The following NAV3 variants were observed in gnomAD, a reference collection of about 807,000 sequenced individuals.
NAV3 encodes pore membrane and/or filament interacting like protein 1.
In NAV3, 87 loss-of-function variants were observed where a neutral mutation model predicts 244.7. That is an observed-to-expected ratio of 0.36 (90% CI 0.30 to 0.42). NAV3 has a LOEUF of 0.42. Among genes scored for constraint, NAV3 ranks in the 20% least tolerant of loss-of-function variants. The pLI, the probability that NAV3 is intolerant of heterozygous loss-of-function variation, is 1.00. For synonymous variants in NAV3, 1,126 were observed against 1,042.2 expected, an observed-to-expected ratio of 1.08 and a Z score of -1.55; for missense variants, 2,663 against 2,893.3, an observed-to-expected ratio of 0.92 and a Z score of 1.83.
intron 5 of NAV3, among the ~76,000 whole-genome samples, chr12:77,992,482 TAAAG>T (rs898446249): frequency 3.3e-5 from 5 of 152,070 alleles, no homozygotes; most frequent in African/African-American, 1.2e-4. Context: ...TGGATAGAAA[TAAAG>T]AAATTTAAGT....
chr12:78,177,688 A>G lies in NAV3; in HGVS notation c.5363+3A>G. 1 of 1,596,742 alleles carries G rather than the reference A, an allele frequency of 6.3e-7. No individual in the cohort carries two copies. Among genetic ancestry groups the G allele is most frequent in the African/African-American group, 1.3e-5 (1 of 74,864 alleles). On this transcript the variant is annotated splice_donor_region_variant and intron_variant, in intron 28 of 39. Transcript: ENST00000397909. The stretch of plus-strand genomic sequence containing the variant: ...GTGATCTACAAGCATAGATCTCGGT[A>G]AAGTGGAGTGCGATGCATGAATACT...
Position 77,791,956 on chromosome 12 carries a change from C to A in NAV3, c.73-148363C>A, listed in dbSNP as rs116011315. On this transcript the variant is annotated intron_variant, in intron 2 of 8. Transcript: ENST00000550042. ...CATCATTTTATATCAGAGACTTGAG[C>A]ATCCATGGCTTTGGTATTTGGGGGA... Among the ~76,000 whole-genome samples, 370 of 152,310 alleles carry A rather than the reference C, an allele frequency of 2.4e-3. 2 individuals carry two copies. The highest frequency in any genetic ancestry group is 8.5e-3 in the African/African-American group (353 of 41,576).
At chr12:77,749,082 G>A (rs1344328874) in intron 2 of NAV3, among the ~76,000 whole-genome samples, 1 of 152,130 alleles carries the variant, frequency 6.6e-6, no homozygotes, top group Non-Finnish European at 1.5e-5. Flanking sequence ...CACGTTGTTG[G>A]AAATGAGCTA....
At chr12:77,653,084 C>T (rs1872901744) in intron 2 of NAV3, among the ~76,000 whole-genome samples, 1 of 152,166 alleles carries the variant, frequency 6.6e-6, no homozygotes, top group Admixed American at 6.5e-5. Context: ...TAAAACGGGT[C>T]AGAGCCTTTA....
At chr12:77,776,285 C>G (rs74106542) in intron 2 of NAV3, among the ~76,000 whole-genome samples, 10 of 152,200 alleles carry the variant, frequency 6.6e-5, no homozygotes, top group African/African-American at 1.9e-4. Context: ...AAAAGGAAGA[C>G]AAGACCATAT....
In NAV3 at chr12:77,820,845, A is replaced by T. The variant is rs141063364; in HGVS notation, c.73-119474A>T. ...GGTGCCATAAGATTTCCTTAAAGTG[A>T]CTATATTTTATTTATACTTACTAAA... is the stretch of plus-strand genomic sequence containing the variant. On this transcript the variant is annotated intron_variant, in intron 2 of 8. Coordinates refer to the NAV3 transcript ENST00000550042. Among the ~76,000 whole-genome samples, 287 of 152,278 alleles carry T rather than the reference A, an allele frequency of 1.9e-3. 1 individual carries two copies. The highest frequency in any genetic ancestry group is 4.7e-3 in the African/African-American group (194 of 41,566).
At position 77,952,833 on chromosome 12, in the gene NAV3, A is replaced by G. The variant is rs549457115; in HGVS notation, c.414+11700A>G. On this transcript the variant is annotated intron_variant, in intron 3 of 39. Transcript: ENST00000397909. Reference sequence around the variant, plus strand: ...GGAGAGGGAGTGGTCTTGTGAAACAAATAATGATTTATAAATTTTATGGTA... The same window carrying G: ...GGAGAGGGAGTGGTCTTGTGAAACAGATAATGATTTATAAATTTTATGGTA... Among the ~76,000 whole-genome samples the G allele has an allele frequency of 2.0e-5, 3 of 152,294 alleles. No homozygotes were observed. The South Asian group carries it at 6.2e-4, about 32-fold the overall frequency.
At chr12:78,054,426 A>T (rs1338103300) in intron 11 of NAV3, among the ~76,000 whole-genome samples, 1 of 152,208 alleles carries the variant, frequency 6.6e-6, no homozygotes, top group African/African-American at 2.4e-5. Context: ...ACTACATTAT[A>T]AGCTATGTAA....
intron 1 of NAV3, among the ~76,000 whole-genome samples, chr12:77,901,560 A>G (rs2136923025): frequency 6.6e-6 from 1 of 152,174 alleles, no homozygotes; most frequent in Non-Finnish European, 1.5e-5. Context: ...AAATACAAAA[A>G]TTAACCAGGC....
chr12:77,620,682 G>A (rs922406520), intron 2 of NAV3, among the ~76,000 whole-genome samples: 7 of 151,940 alleles, frequency 4.6e-5, no homozygotes, highest in Non-Finnish European at 1.0e-4. Flanking sequence ...GGCTGGTCTT[G>A]AACGCCTGAC....
intron 11 of NAV3, among the ~76,000 whole-genome samples, chr12:78,053,312 T>C (rs1883037507): frequency 6.6e-6 from 1 of 151,956 alleles, no homozygotes; most frequent in African/African-American, 2.4e-5. Context: ...TCATTATTCA[T>C]GGTACTTCTC....
chr12:77,771,557 A>G (rs1369717196), intron 2 of NAV3, among the ~76,000 whole-genome samples: 16 of 152,226 alleles, frequency 1.1e-4, no homozygotes, highest in Non-Finnish European at 2.4e-4. Context: ...AATGTGGCAC[A>G]TATACACCAT....
intron 2 of NAV3, among the ~76,000 whole-genome samples, chr12:77,692,406 G>A (rs1875075404): frequency 6.6e-6 from 1 of 151,976 alleles, no homozygotes; most frequent in South Asian, 2.1e-4. Flanking sequence ...ATTCCATTAA[G>A]GAAATCATTT....
At chr12:78,024,944 C>G (rs1877763157) in intron 9 of NAV3, among the ~76,000 whole-genome samples, 1 of 151,384 alleles carries the variant, frequency 6.6e-6, no homozygotes, top group Non-Finnish European at 1.5e-5. Flanking sequence ...CACTGCACTC[C>G]AGACTGGGAG....
intron 8 of NAV3, among the ~76,000 whole-genome samples, chr12:78,017,934 A>G (rs1262818591): frequency 6.6e-6 from 1 of 152,188 alleles, no homozygotes; most frequent in Non-Finnish European, 1.5e-5. Context: ...ATAACAAATT[A>G]TGAGGTGGAA....
chr12:77,709,002 G>T (rs1875972270), intron 2 of NAV3, among the ~76,000 whole-genome samples: 1 of 152,294 alleles, frequency 6.6e-6, no homozygotes, highest in Admixed American at 6.5e-5. Context: ...CATGTCATCT[G>T]CAAACAGGGA....
chr12:77,838,419 G>C (rs1875037803), intron 1 of NAV3, among the ~76,000 whole-genome samples: 1 of 152,022 alleles, frequency 6.6e-6, no homozygotes, highest in South Asian at 2.1e-4. Flanking sequence ...TTCATGCTTT[G>C]AACTGGAAAT....
In NAV3 at chr12:78,167,388, G is replaced by T. The variant is rs578201720; in HGVS notation, c.4870-1367G>T. On this transcript the variant is annotated intron_variant, in intron 23 of 39. Transcript: ENST00000397909. ...TCATAAGCTACTAAAAGTACATAAA[G>T]AAGGTCTGGTTGTTTGTTTTAAATG... Among the ~76,000 whole-genome samples, 7 of 150,550 alleles carry T rather than the reference G, an allele frequency of 4.6e-5. No individual in the cohort carries two copies. In the South Asian group the frequency reaches 1.5e-3, roughly 31 times the overall value.
chr12:77,675,282 T>C (rs891049876), intron 2 of NAV3, among the ~76,000 whole-genome samples: 9 of 152,178 alleles, frequency 5.9e-5, no homozygotes, highest in African/African-American at 1.2e-4. Flanking sequence ...TTGCAAGGAA[T>C]TGGCTTACAT....
Sources: gnomAD v4.1 joint callset for allele counts (sites outside exome capture counted in the v4.1 genomes callset) on GRCh38, gnomAD v4.1.1 for gene constraint, MANE v1.5 for transcripts, NCBI Gene and HGNC (gene_info 2026-07-23, HGNC 2026-07-21) for gene names.